Variants in AR observed in about 807,000 individuals in gnomAD.
AR encodes androgen receptor.
In AR, 8 loss-of-function variants were observed where a neutral mutation model predicts 53.9. That is an observed-to-expected ratio of 0.15 (90% CI 0.09 to 0.27). The LOEUF is 0.27. Ranked by LOEUF, AR falls within the 10% of genes least tolerant of loss-of-function variation. AR has a pLI of 1.00. For missense variants in AR, 639 were observed against 742.5 expected, an observed-to-expected ratio of 0.86 and a Z score of 1.62; for synonymous variants, 359 against 316.4, an observed-to-expected ratio of 1.13 and a Z score of -1.43.
chrX:67,713,843 C>T (rs2076102886), intron 4 of AR, among the ~76,000 whole-genome samples: 2 of 111,933 alleles, frequency 1.8e-5, no homozygotes, highest in African/African-American at 6.5e-5. Context: ...CACCATCTAG[C>T]TTGCCAGACT....
chrX:67,605,791 A>G (rs1923596985), intron 1 of AR, among the ~76,000 whole-genome samples: 1 of 112,250 alleles, frequency 8.9e-6, no homozygotes, highest in Non-Finnish European at 1.9e-5. Flanking sequence ...TCAGAAACTG[A>G]TGATGTATTG....
In AR at chrX:67,546,163, T is replaced by A; in HGVS notation, c.1017T>A (p.Leu339=). The change falls in exon 1 of 8, where the codon CTT becomes CTA. Residue 339 remains leucine (L), a synonymous_variant. Transcript: ENST00000374690. ...CTGCAGCAGGGAGCTCCGGGACACT[T>A]GAACTGCCGTCTACCCTGTCTCTCT... ...GSAAAGSSGT[L]ELPSTLSLYK... is the part of the protein sequence containing the mutation. 8.3e-7 allele frequency: 1 copy of A among 1,211,942 alleles called. No homozygotes were observed. The highest frequency in any genetic ancestry group is 1.1e-6 in the Non-Finnish European group (1 of 895,548).
chrX:67,719,321 C>T (rs187471508), intron 5 of AR, among the ~76,000 whole-genome samples: 355 of 112,368 alleles, frequency 3.2e-3, no homozygotes, highest in African/African-American at 0.011. Context: ...TGCCCTTAAG[C>T]AGTTGAATCA....
At chrX:67,570,459 TA>T (rs1272809215) in intron 1 of AR, among the ~76,000 whole-genome samples, 19 of 112,219 alleles carry the variant, frequency 1.7e-4, no homozygotes, top group African/African-American at 5.8e-4. Flanking sequence ...AAGAGTCAGT[TA>T]AAAATTATGC....
intron 2 of AR, among the ~76,000 whole-genome samples, chrX:67,674,600 T>A (rs760184343): frequency 9.0e-6 from 1 of 111,485 alleles, no homozygotes; most frequent in Non-Finnish European, 1.9e-5. Flanking sequence ...TCATGGCAAG[T>A]ATTGTCTGGC....
At chrX:67,710,780 G>T (rs1383241607) in intron 3 of AR, among the ~76,000 whole-genome samples, 1 of 112,192 alleles carries the variant, frequency 8.9e-6, no homozygotes, top group Non-Finnish European at 1.9e-5. Context: ...TGGTGCTTTT[G>T]TTTATGCCCT....
chrX:67,685,088 G>A (rs769401908), intron 2 of AR, among the ~76,000 whole-genome samples: 9 of 111,273 alleles, frequency 8.1e-5, no homozygotes, highest in East Asian at 2.8e-4. Flanking sequence ...TTGCAAGCAT[G>A]AGAAGTTCTG....
intron 2 of AR, among the ~76,000 whole-genome samples, chrX:67,666,565 G>T (rs896467504): frequency 4.5e-5 from 5 of 111,644 alleles, no homozygotes; most frequent in Admixed American, 3.8e-4. Context: ...TTTCTTTAGG[G>T]TGTATACCCA....
At chrX:67,685,577 G>T (rs191132159) in intron 2 of AR, among the ~76,000 whole-genome samples, 3 of 111,511 alleles carry the variant, frequency 2.7e-5, no homozygotes, top group Non-Finnish European at 5.6e-5. Context: ...TTATTAGCTC[G>T]AGTGTAATTC....
rs1196983811 is a variant in AR at position 67,695,057 on chromosome X, C to T, written c.1885+8931C>T. 3 of 798,573 alleles carry T rather than the reference C, an allele frequency of 3.8e-6. No homozygotes were observed. The East Asian group carries it at 3.0e-4, about 79-fold the overall frequency. The allele number at this position is 798,573 out of a possible 1,213,427, so 65.8% of individuals were successfully genotyped here. ...GTTCTTGATCACATATGATGGGGGC[C>T]AGGCACTGACTCAGGCGGATGCAGT... is the stretch of plus-strand genomic sequence containing the variant. On this transcript the variant is annotated intron_variant, in intron 3 of 7. Coordinates refer to ENST00000374690, the MANE Select transcript of AR (RefSeq NM_000044.6).
chrX:67,631,153 A>G (rs758216347), intron 1 of AR, among the ~76,000 whole-genome samples: 3 of 110,663 alleles, frequency 2.7e-5, no homozygotes, highest in Non-Finnish European at 5.7e-5. Context: ...TCTTTGTGGC[A>G]TTCTCTGTAT....
chrX:67,643,554 G>A, intron 2 of AR, 147 bp downstream of exon 2: 1 of 823,185 alleles, frequency 1.2e-6, no homozygotes, highest in East Asian at 3.5e-5. Context: ...GCCTAAGGAA[G>A]CAAATTTTTG....
At chrX:67,672,256 G>A (rs1255755998) in intron 2 of AR, among the ~76,000 whole-genome samples, 1 of 110,815 alleles carries the variant, frequency 9.0e-6, no homozygotes, top group Non-Finnish European at 1.9e-5. Context: ...TAGTATAATG[G>A]CCTCCAGCTC....
chrX:67,583,826 C>T (rs1404885348), intron 1 of AR, among the ~76,000 whole-genome samples: 3 of 111,720 alleles, frequency 2.7e-5, no homozygotes, highest in Non-Finnish European at 5.6e-5. Flanking sequence ...ATATGTTGGC[C>T]AGAATTTAGG....
At chrX:67,578,288 T>C (rs1355096564) in intron 1 of AR, among the ~76,000 whole-genome samples, 1 of 111,593 alleles carries the variant, frequency 9.0e-6, no homozygotes, top group Admixed American at 9.5e-5. Context: ...TATGGTTCAA[T>C]TGGCTGAAGA....
intron 2 of AR, among the ~76,000 whole-genome samples, chrX:67,647,939 C>G (rs1926131941): frequency 8.9e-6 from 1 of 111,868 alleles, no homozygotes; most frequent in African/African-American, 3.2e-5. Context: ...TCTTTTTTAC[C>G]ATTTAAAAAT....
intron 3 of AR, among the ~76,000 whole-genome samples, chrX:67,689,214 C>A (rs1446210561): frequency 9.0e-6 from 1 of 111,404 alleles, no homozygotes; most frequent in Non-Finnish European, 1.9e-5. Context: ...TGTCTGTTCC[C>A]TGCTCCCAGA....
At chrX:67,654,873 T>C (rs985932587) in intron 2 of AR, among the ~76,000 whole-genome samples, 4 of 96,676 alleles carry the variant, frequency 4.1e-5, no homozygotes, top group Non-Finnish European at 8.2e-5. Context: ...TTCCTAGTGC[T>C]ATGGACCTCT....
rs951670534 is a variant in AR at position 67,730,561 on chromosome X, C to T, written c.*6720C>T. ...TAACAAAGAGACCCAAGAAAAGCTG[C>T]TAATGTCCTCTTATCATTGTTGTTA... On this transcript the variant is annotated 3_prime_UTR_variant, in exon 8 of 8. Transcript: ENST00000374690. 1.2e-5 allele frequency: 2 copies of T among 169,503 alleles called. No homozygotes were observed. Among genetic ancestry groups the T allele is most frequent in the African/African-American group, 6.0e-5 (2 of 33,573 alleles). 14.0% of individuals were successfully genotyped at this position (169,503 alleles called of 1,213,427 possible). A position where few individuals can be genotyped will look rare whatever the true frequency, so the allele number is the denominator to read the frequency against.
Sources: allele counts gnomAD v4.1 joint callset (sites outside exome capture counted in the v4.1 genomes callset), GRCh38; gene constraint gnomAD v4.1.1; transcripts MANE v1.5; gene names NCBI Gene and HGNC (gene_info 2026-07-23, HGNC 2026-07-21).